The following NFIA variants were observed in gnomAD, a reference collection of about 807,000 sequenced individuals.
The protein encoded by NFIA is nuclear factor I A.
Under a neutral mutation model 62.8 loss-of-function variants are expected in NFIA, and 8 were observed. That is an observed-to-expected ratio of 0.13 (90% CI 0.07 to 0.23). NFIA has a LOEUF of 0.23. Among genes scored for constraint, NFIA ranks in the 10% least tolerant of loss-of-function variants. NFIA has a pLI of 1.00. For synonymous variants in NFIA, 235 were observed against 238.1 expected, an observed-to-expected ratio of 0.99 and a Z score of 0.12; for missense variants, 410 against 642.1, an observed-to-expected ratio of 0.64 and a Z score of 3.91.
At chr1:61,159,389 A>C (rs80154772) in intron 2 of NFIA, among the ~76,000 whole-genome samples, 1 of 152,178 alleles carries the variant, frequency 6.6e-6, no homozygotes, top group East Asian at 1.9e-4. Flanking sequence ...TTCAATGTGC[A>C]TACGAATCAA....
intron 10 of NFIA, among the ~76,000 whole-genome samples, chr1:61,454,982 A>G (rs1668234533): frequency 6.6e-6 from 1 of 152,192 alleles, no homozygotes; most frequent in Non-Finnish European, 1.5e-5. Context: ...AAGATGGTCA[A>G]GTTTCCTGCC....
intron 6 of NFIA, among the ~76,000 whole-genome samples, chr1:61,371,263 G>A (rs541267169): frequency 6.6e-6 from 1 of 152,238 alleles, no homozygotes; most frequent in East Asian, 1.9e-4. Context: ...GCTTTTCAGG[G>A]CCAGTTATTC....
At chr1:61,306,057 A>G (rs530784362) in intron 3 of NFIA, among the ~76,000 whole-genome samples, 28 of 151,334 alleles carry the variant, frequency 1.9e-4, no homozygotes, top group Non-Finnish European at 3.1e-4. Flanking sequence ...TCACCGTGTT[A>G]GCCAGGATGG....
At chr1:61,312,034 C>G (rs1438420701) in intron 3 of NFIA, among the ~76,000 whole-genome samples, 5 of 152,174 alleles carry the variant, frequency 3.3e-5, no homozygotes, top group Non-Finnish European at 1.5e-5. Flanking sequence ...GGGAACTGTG[C>G]TGGAGACTGT....
In NFIA at chr1:61,456,374, T is replaced by TA. The variant is rs58761896; in HGVS notation, c.*1066dup. On this transcript the variant is annotated 3_prime_UTR_variant, in exon 11 of 11. Coordinates refer to ENST00000403491, the MANE Select transcript of NFIA (RefSeq NM_001134673.4). ...TATCCCTTTAAAAACTGAAGGAAAT[T>TA]AAAAAAAAAAAACAAAAAAACAAAT... 0.71 allele frequency: 103,464 copies of TA among 146,330 alleles called. 36,371 individuals carry two copies. Among genetic ancestry groups the TA allele is most frequent in the East Asian group, 0.86 (4,352 of 5,066 alleles). The allele number at this position is 146,330 out of a possible 1,614,324, so 9.1% of individuals were successfully genotyped here.
chr1:61,415,303 G>A (rs1422739900), intron 9 of NFIA, among the ~76,000 whole-genome samples: 1 of 152,020 alleles, frequency 6.6e-6, no homozygotes, highest in Non-Finnish European at 1.5e-5. Context: ...TACTATTGGA[G>A]TAAAGAAGGG....
At chr1:61,169,711 C>G (rs1284812395) in intron 2 of NFIA, among the ~76,000 whole-genome samples, 1 of 152,176 alleles carries the variant, frequency 6.6e-6, no homozygotes, top group South Asian at 2.1e-4. Context: ...CCCATGATGT[C>G]AGTAACCTCT....
intron 2 of NFIA, among the ~76,000 whole-genome samples, chr1:61,197,234 CT>C (rs1002158986): frequency 0.011 from 995 of 93,344 alleles, 4 homozygotes; most frequent in East Asian, 0.056. Flanking sequence ...TACTCTGGTT[CT>C]TTTTTTTTTT....
At chr1:61,379,183 G>C (rs1343961453) in intron 6 of NFIA, among the ~76,000 whole-genome samples, 1 of 151,900 alleles carries the variant, frequency 6.6e-6, no homozygotes, top group Non-Finnish European at 1.5e-5. Context: ...ATTATATAAG[G>C]CATCATTATA....
At chr1:61,398,296 G>C (rs528792432) in intron 7 of NFIA, among the ~76,000 whole-genome samples, 48 of 152,286 alleles carry the variant, frequency 3.2e-4, no homozygotes, top group African/African-American at 1.1e-3. Flanking sequence ...GGTCTAGTCA[G>C]GGCCTTGAGC....
intron 2 of NFIA, among the ~76,000 whole-genome samples, chr1:61,115,030 A>T (rs1646772738): frequency 6.6e-6 from 1 of 152,164 alleles, no homozygotes; most frequent in African/African-American, 2.4e-5. Flanking sequence ...CCCAGGCTGG[A>T]GTGCAGTGGT....
At position 61,459,896 on chromosome 1, in the gene NFIA, T is replaced by TC. The variant is rs1668463762; in HGVS notation, c.*4578dup. The TC allele has an allele frequency of 6.6e-6, 1 of 152,182 alleles. No individual in the cohort carries two copies. The highest frequency in any genetic ancestry group is 1.5e-5 in the Non-Finnish European group (1 of 68,048). 9.4% of individuals were successfully genotyped at this position (152,182 alleles called of 1,614,324 possible). On this transcript the variant is annotated 3_prime_UTR_variant, in exon 11 of 11. Coordinates refer to ENST00000403491, the MANE Select transcript of NFIA (RefSeq NM_001134673.4). ...CATCATGTCTCTAGAAATATCTTTGTCCATAGTGGTGGTGGAGTCTCTCTC... is the reference window on the plus strand; with the variant it reads ...CATCATGTCTCTAGAAATATCTTTGTCCCATAGTGGTGGTGGAGTCTCTCTC...
chr1:61,256,051 G>A (rs1656372534), intron 2 of NFIA, among the ~76,000 whole-genome samples: 1 of 152,142 alleles, frequency 6.6e-6, no homozygotes, highest in Non-Finnish European at 1.5e-5. Flanking sequence ...CACATTGGAA[G>A]AAGAAGAATT....
chr1:61,354,096 A>C (rs898465023), intron 5 of NFIA, among the ~76,000 whole-genome samples: 2 of 152,142 alleles, frequency 1.3e-5, no homozygotes, highest in African/African-American at 4.8e-5. Flanking sequence ...TTATGTTTTC[A>C]CACAATTCTC....
intron 3 of NFIA, among the ~76,000 whole-genome samples, chr1:61,292,105 G>T (rs985289596): frequency 1.6e-4 from 24 of 152,242 alleles, no homozygotes; most frequent in Admixed American, 2.6e-4. Context: ...CCTGACATTG[G>T]TACCAAGTGA....
rs1480850974 is a variant in NFIA, at chr1:61,082,653, G to A, written c.-139G>A. Reference sequence around the variant, plus strand: ...AAATGTGAACGCAAGAAGCAGGCTTGATTTTTTTTTCTCCCCCCTTCTCTC... The same window carrying A: ...AAATGTGAACGCAAGAAGCAGGCTTAATTTTTTTTTCTCCCCCCTTCTCTC... On this transcript the variant is annotated 5_prime_UTR_variant, in exon 1 of 11. Coordinates refer to ENST00000403491, the MANE Select transcript of NFIA (RefSeq NM_001134673.4). The A allele has an allele frequency of 2.0e-6, 3 of 1,528,154 alleles. No homozygotes were observed. In the African/African-American group the frequency reaches 4.2e-5, roughly 21 times the overall value. 94.7% of individuals were successfully genotyped at this position (1,528,154 alleles called of 1,614,324 possible). A position where few individuals can be genotyped will look rare whatever the true frequency, so the allele number is the denominator to read the frequency against.
At chr1:61,135,549 C>A (rs1647168016) in intron 2 of NFIA, among the ~76,000 whole-genome samples, 1 of 152,154 alleles carries the variant, frequency 6.6e-6, no homozygotes, top group Non-Finnish European at 1.5e-5. Flanking sequence ...GGACTACTGG[C>A]ATGTGCCATC....
intron 3 of NFIA, among the ~76,000 whole-genome samples, chr1:61,326,142 G>A (rs1208240403): frequency 2.0e-5 from 3 of 152,120 alleles, no homozygotes; most frequent in East Asian, 1.9e-4. Context: ...TTAAGCTTGG[G>A]ACTAGATCCT....
At chr1:61,144,681 A>G (rs1274934198) in intron 2 of NFIA, among the ~76,000 whole-genome samples, 1 of 152,220 alleles carries the variant, frequency 6.6e-6, no homozygotes, top group East Asian at 1.9e-4. Context: ...CATTTGTAGC[A>G]TGGCTACTTG....
Sources: gnomAD v4.1 joint callset for allele counts (sites outside exome capture counted in the v4.1 genomes callset) on GRCh38, gnomAD v4.1.1 for gene constraint, MANE v1.5 for transcripts, NCBI Gene and HGNC (gene_info 2026-07-23, HGNC 2026-07-21) for gene names.